TDRD9: variants seen among roughly 807,000 people sequenced by gnomAD.
TDRD9 encodes the protein ATP-dependent RNA helicase TDRD9.
Under a neutral mutation model 172.6 loss-of-function variants are expected in TDRD9, and 124 were observed. That is an observed-to-expected ratio of 0.72 (90% CI 0.62 to 0.83). The LOEUF (loss-of-function observed/expected upper bound fraction) is 0.83, where lower values mean the gene tolerates loss of function less well. Among genes scored for constraint, TDRD9 ranks in the 40% least tolerant of loss-of-function variants. TDRD9 has a pLI of 0.00. For synonymous variants in TDRD9, 619 were observed against 617.1 expected (o/e 1.00, Z -0.05); for missense variants, 1,479 against 1,714.1 (o/e 0.86, Z 2.42).
At chr14:103,975,023 C>T (rs2033180239) in intron 6 of TDRD9, among the ~76,000 whole-genome samples, 1 of 152,132 alleles carries the variant, frequency 6.6e-6, no homozygotes, top group South Asian at 2.1e-4. Flanking sequence ...CCTCCTGCCT[C>T]AGCCTCCCAA....
Position 103,928,478 on chromosome 14 carries a change from A to T in TDRD9, c.-32A>T, listed in dbSNP as rs1183484583. The T allele has an allele frequency of 2.8e-6, 4 of 1,426,662 alleles. No individual in the cohort carries two copies. Among genetic ancestry groups the T allele is most frequent in the Non-Finnish European group, 3.7e-6 (4 of 1,080,358 alleles). 88.4% of individuals were successfully genotyped at this position (1,426,662 alleles called of 1,614,324 possible). On this transcript the variant is annotated 5_prime_UTR_variant, in exon 1 of 36. Coordinates refer to ENST00000409874, the MANE Select transcript of TDRD9 (RefSeq NM_153046.3). ...CCTGTTCCCGCCGCGGAGACCCGGCAGTTGGGGGATGCCGACGCCTGGGCC... is the reference window on the plus strand; with the variant it reads ...CCTGTTCCCGCCGCGGAGACCCGGCTGTTGGGGGATGCCGACGCCTGGGCC...
At chr14:103,940,765 G>A (rs1255314071) in intron 1 of TDRD9, 1 of 1,333,500 alleles carries the variant, frequency 7.5e-7, no homozygotes, top group East Asian at 2.5e-5. Context: ...AATATTAGGA[G>A]TTCTAAGGTG....
intron 34 of TDRD9, among the ~76,000 whole-genome samples, chr14:104,043,938 G>A (rs577086586): frequency 6.6e-6 from 1 of 152,160 alleles, no homozygotes; most frequent in African/African-American, 2.4e-5. Flanking sequence ...TAAGATTAAG[G>A]GTCCTCACAG....
At chr14:104,018,053 C>A (rs753167600) in intron 22 of TDRD9, 39 bp from the exon 23 acceptor site, 1 of 1,212,808 alleles carries the variant, frequency 8.2e-7, no homozygotes. Context: ...ATTTTGTTAG[C>A]TCTAGTAATC....
Position 103,941,669 on chromosome 14 carries a change from C to T in TDRD9, c.215+12945C>T, listed in dbSNP as rs1055329716. On this transcript the variant is annotated intron_variant, in intron 1 of 35. Transcript: ENST00000409874. ...TGGGTTTGTAGGAATCGTTTTTGGG[C>T]CATTTCATCCAGCCAAAAAGTGGCA... The T allele has an allele frequency of 4.6e-6, 7 of 1,520,460 alleles. No individual in the cohort carries two copies. In the African/African-American group the frequency reaches 9.7e-5, roughly 21 times the overall value. The allele number at this position is 1,520,460 out of a possible 1,614,324, so 94.2% of individuals were successfully genotyped here. A position where few individuals can be genotyped will look rare whatever the true frequency, so the allele number is the denominator to read the frequency against.
At position 103,980,833 on chromosome 14, in the gene TDRD9, C is replaced by T. The variant is rs191082352; in HGVS notation, c.1011+5280C>T. ...GCTAGACCAAGGAGCCCTCTGGTGG[C>T]CCTGTCCGGGCATAACAGAAGGCTC... On this transcript the variant is annotated intron_variant, in intron 7 of 35. Transcript: ENST00000409874. The surrounding 1 kb of genome is among the most constrained non-coding windows in gnomAD (Gnocchi z 4.5). Among the ~76,000 whole-genome samples, 404 of 152,268 alleles carry T rather than the reference C, an allele frequency of 2.7e-3. 1 individual carries two copies. Among genetic ancestry groups the T allele is most frequent in the African/African-American group, 9.3e-3 (388 of 41,552 alleles).
intron 20 of TDRD9, among the ~76,000 whole-genome samples, chr14:104,012,058 G>T (rs534488412): frequency 2.8e-4 from 42 of 152,322 alleles, no homozygotes; most frequent in African/African-American, 9.6e-4. Context: ...CAACCAGGAA[G>T]CTCACCTGAG....
chr14:103,986,408 GAAGGT>G (rs2033662996), intron 8 of TDRD9, 88 bp downstream of exon 8: 2 of 980,138 alleles, frequency 2.0e-6, no homozygotes, highest in Non-Finnish European at 3.0e-6. Flanking sequence ...GTTTTTATAA[GAAGGT>G]ATAACTATAG....
rs764330948 is a variant in TDRD9 at position 103,975,415 on chromosome 14, CTG to C, written c.875_876del (p.Cys292Ter). On this transcript the variant is annotated frameshift_variant, in exon 7 of 36. Transcript: ENST00000409874. LOFTEE classifies it high-confidence loss of function. Reference sequence around the variant, plus strand: ...TGGTCCTGATGTCGGCTACCATCAGCTGTAAAGAGTTTGCAGACTACTTTGCT... The same window carrying C: ...TGGTCCTGATGTCGGCTACCATCAGCTAAAGAGTTTGCAGACTACTTTGCT... ...KVVLMSATIS[C>X]KEFADYFAVP... 12 of 1,613,788 alleles carry C rather than the reference CTG, an allele frequency of 7.4e-6. No individual in the cohort carries two copies. The highest frequency in any genetic ancestry group is 9.3e-6 in the Non-Finnish European group (11 of 1,179,794).
intron 6 of TDRD9, among the ~76,000 whole-genome samples, chr14:103,974,841 T>C (rs2033171608): frequency 6.6e-6 from 1 of 152,170 alleles, no homozygotes; most frequent in South Asian, 2.1e-4. Flanking sequence ...GGTCTTGCTA[T>C]GTTGCCCAGG....
In TDRD9 at chr14:104,016,036, A is replaced by G. The variant is rs528451907; in HGVS notation, c.2279A>G (p.Glu760Gly). 8 of 1,604,206 alleles carry G rather than the reference A, an allele frequency of 5.0e-6. No homozygotes were observed. The Admixed American group carries it at 5.1e-5, about 10-fold the overall frequency. ...TACTTTACTTTTGGACAGCCGGATG[A>G]GGAGATGGCGGTGAGGGAGCTGGCT... ...PNYFTFGQPD[E>G]EMAVRELAGK... Residue 760 changes from glutamate (E) to glycine (G), a missense_variant, in exon 22 of 36, where the codon GAG becomes GGG. Glu to Gly is a moderately conservative substitution (Grantham distance 98). This residue lies in a region of TDRD9 where 1,413 missense variants were observed against 1,649.1 expected (regional missense o/e 0.86). Transcript: ENST00000409874.
intron 9 of TDRD9, among the ~76,000 whole-genome samples, chr14:103,991,867 C>T (rs2033883210): frequency 6.6e-6 from 1 of 151,982 alleles, no homozygotes; most frequent in Non-Finnish European, 1.5e-5. Flanking sequence ...AAGTGATTCT[C>T]CTGCCTAAGC....
At chr14:104,046,921 C>T (rs139235203) in intron 34 of TDRD9, among the ~76,000 whole-genome samples, 2,480 of 152,326 alleles carry the variant, frequency 0.016, 70 homozygotes, top group African/African-American at 0.057. Flanking sequence ...GCTGGGATTA[C>T]AGGCGTGAGC....
At position 104,040,325 on chromosome 14, in the gene TDRD9, T is replaced by C; in HGVS notation, c.3846T>C (p.Asp1282=). Residue 1282 remains aspartate, a synonymous_variant, in exon 33 of 36, where the codon GAT becomes GAC. Transcript: ENST00000409874. ...TTGACGTTCAATTCAGCGTGGAGGATGTCGTCGAGGTAAGGGTAGTGCAGC... is the reference window on the plus strand; with the variant it reads ...TTGACGTTCAATTCAGCGTGGAGGACGTCGTCGAGGTAAGGGTAGTGCAGC... ...LAFDVQFSVE[D]VVEVNILRAA... 6.5e-7 allele frequency: 1 copy of C among 1,550,172 alleles called. No homozygotes were observed. The highest frequency in any genetic ancestry group is 2.4e-5 in the East Asian group (1 of 40,874).
chr14:103,944,638 T>G (rs2031462390), intron 1 of TDRD9, among the ~76,000 whole-genome samples: 1 of 142,212 alleles, frequency 7.0e-6, no homozygotes, highest in Non-Finnish European at 1.5e-5. Flanking sequence ...TGATCTTGGC[T>G]CACTGCAACC....
chr14:103,941,990 C>G (rs2031265024), intron 1 of TDRD9: 1 of 331,022 alleles, frequency 3.0e-6, no homozygotes, highest in Non-Finnish European at 5.5e-6. Flanking sequence ...CTAACACTTG[C>G]TGTGAAAAGT....
chr14:103,941,030 C>G, intron 1 of TDRD9: 1 of 1,535,372 alleles, frequency 6.5e-7, no homozygotes, highest in Non-Finnish European at 8.7e-7. Context: ...CTTAGGAAGT[C>G]TTTCAGAACT....
chr14:104,041,969 T>C, intron 33 of TDRD9, 100 bp from the exon 34 acceptor site: 1 of 810,048 alleles, frequency 1.2e-6, no homozygotes, highest in Non-Finnish European at 2.0e-6. Flanking sequence ...ACCATACTGA[T>C]GACAGAGAAT....
chr14:104,035,506 G>A (rs1245172171), intron 32 of TDRD9, among the ~76,000 whole-genome samples: 1 of 152,194 alleles, frequency 6.6e-6, no homozygotes, highest in East Asian at 1.9e-4. Flanking sequence ...TTAATGCCAC[G>A]ATTAAGCCAG....
Sources: allele counts gnomAD v4.1 joint callset (sites outside exome capture counted in the v4.1 genomes callset), GRCh38; gene constraint gnomAD v4.1.1; regional missense constraint gnomAD v4.1.1; non-coding constraint Gnocchi (gnomAD v3.1); transcripts MANE v1.5; gene names NCBI Gene and HGNC (gene_info 2026-07-23, HGNC 2026-07-21).